SHLD2: variants seen among roughly 807,000 people sequenced by gnomAD.
SHLD2 encodes RINN1-REV7-interacting novel NHEJ regulator 2.
A neutral mutation model predicts 73.2 loss-of-function variants in SHLD2; 30 were observed. The ratio of observed to expected loss-of-function variants is 0.41; its 90% CI spans 0.31 to 0.56. The LOEUF (loss-of-function observed/expected upper bound fraction) is 0.56, where lower values mean the gene tolerates loss of function less well. SHLD2 is among the 20% of genes least tolerant of loss of function. The pLI is 0.28. For synonymous variants in SHLD2, 285 were observed against 370.1 expected (o/e 0.77, Z 2.64); for missense variants, 745 against 1,055.9 (o/e 0.71, Z 4.08).
intron 8 of SHLD2, among the ~76,000 whole-genome samples, chr10:87,183,864 C>T (rs1213619804): frequency 6.6e-6 from 1 of 152,208 alleles, no homozygotes; most frequent in Non-Finnish European, 1.5e-5. Context: ...GCCTCTTCTA[C>T]CCCCTCTTTA....
chr10:87,120,998 C>T (rs1232932692), intron 2 of SHLD2, among the ~76,000 whole-genome samples: 6 of 151,796 alleles, frequency 4.0e-5, no homozygotes, highest in East Asian at 1.9e-4. Flanking sequence ...TGCGGTGAGC[C>T]GACATTGCGC....
At chr10:87,173,807 A>G (rs1201924432) in intron 6 of SHLD2, among the ~76,000 whole-genome samples, 1 of 152,202 alleles carries the variant, frequency 6.6e-6, no homozygotes, top group African/African-American at 2.4e-5. Context: ...ACACATATCT[A>G]TAGAGATAAA....
At chr10:87,180,440 G>A in intron 8 of SHLD2, 137 bp downstream of exon 8, 3 of 1,164,688 alleles carry the variant, frequency 2.6e-6, no homozygotes, top group Admixed American at 5.6e-5. Flanking sequence ...GTGATAGATA[G>A]CTATTTATGG....
At position 87,170,539 on chromosome 10, in the gene SHLD2, T is replaced by C; in HGVS notation, c.1695T>C (p.His565=). The change falls in exon 5 of 10, where the codon CAT becomes CAC. Residue 565 remains histidine, a synonymous_variant. Coordinates refer to ENST00000298786, the MANE Select transcript of SHLD2 (RefSeq NM_001330112.2). The part of the protein sequence containing the change: ...QDLLAYVSSK[H]SYLRDLPPRQ... Reference sequence around the variant, plus strand: ...TACTGGCATATGTGTCCTCAAAACATTCCTACCTCAGAGATCTTCCTCCGA... The same window carrying C: ...TACTGGCATATGTGTCCTCAAAACACTCCTACCTCAGAGATCTTCCTCCGA... 2 of 1,613,108 alleles carry C rather than the reference T, an allele frequency of 1.2e-6. No individual in the cohort carries two copies. Among genetic ancestry groups the C allele is most frequent in the Non-Finnish European group, 1.7e-6 (2 of 1,179,582 alleles).
intron 4 of SHLD2, among the ~76,000 whole-genome samples, chr10:87,159,267 G>T (rs1380314097): frequency 6.6e-6 from 1 of 152,094 alleles, no homozygotes; most frequent in East Asian, 1.9e-4. Context: ...AATGGGCAAG[G>T]TTTCATTATA....
At chr10:87,181,377 C>A (rs1848304674) in intron 8 of SHLD2, among the ~76,000 whole-genome samples, 1 of 151,642 alleles carries the variant, frequency 6.6e-6, no homozygotes. Flanking sequence ...CAGAGTGAGA[C>A]CCTGTCTCAA....
chr10:87,135,682 A>ATTTTTTTTTTTTTTTTTTTTTTTTT (rs1844755407), intron 2 of SHLD2, among the ~76,000 whole-genome samples: 1 of 141,138 alleles, frequency 7.1e-6, no homozygotes, highest in Admixed American at 7.3e-5. Flanking sequence ...TTTTTTTTTA[A>ATTTTTTTTTTTTTTTTTTTTTTTTT]TAGAGACAGA....
At position 87,170,889 on chromosome 10, in the gene SHLD2, AGTGGAACAGG is replaced by A. The variant is rs1847552717; in HGVS notation, c.1879_1888del (p.Val627ProfsTer42). 1 of 1,609,916 alleles carries A rather than the reference AGTGGAACAGG, an allele frequency of 6.2e-7. No individual in the cohort carries two copies. The highest frequency in any genetic ancestry group is 1.1e-5 in the South Asian group (1 of 90,798). On this transcript the variant is annotated frameshift_variant, in exon 6 of 10. Transcript: ENST00000298786. LOFTEE classifies it high-confidence loss of function. ...AGAAGCAGAAAAAAGTTATGTTAAC[AGTGGAACAGG>A]CCCAAGATCAACATTATGCGCTTGT...
At chr10:87,145,962 A>G (rs1214364978) in intron 2 of SHLD2, among the ~76,000 whole-genome samples, 2 of 152,300 alleles carry the variant, frequency 1.3e-5, no homozygotes, top group Non-Finnish European at 2.9e-5. Flanking sequence ...TAATTTGGCT[A>G]TCATACATAT....
intron 4 of SHLD2, among the ~76,000 whole-genome samples, chr10:87,168,603 A>AAAT (rs1554833420): frequency 0.032 from 4,739 of 149,470 alleles, 117 homozygotes; most frequent in Non-Finnish European, 0.046. Context: ...TGTCTCAAAA[A>AAAT]AAATAAATAA....
At chr10:87,111,256 A>G (rs953435755) in intron 2 of SHLD2, among the ~76,000 whole-genome samples, 1 of 151,992 alleles carries the variant, frequency 6.6e-6, no homozygotes, top group African/African-American at 2.4e-5. Flanking sequence ...CAACCTCTCT[A>G]GACTCAAGCG....
intron 2 of SHLD2, among the ~76,000 whole-genome samples, chr10:87,119,834 A>G (rs537302967): frequency 3.9e-5 from 6 of 151,924 alleles, no homozygotes; most frequent in African/African-American, 1.2e-4. Context: ...TTTCACAATT[A>G]CTACTGGATG....
At chr10:87,111,550 A>C (rs1309834654) in intron 2 of SHLD2, among the ~76,000 whole-genome samples, 1 of 150,560 alleles carries the variant, frequency 6.6e-6, no homozygotes, top group Non-Finnish European at 1.5e-5. Flanking sequence ...CTGAGGCACG[A>C]GAATCTCTTG....
intron 6 of SHLD2, among the ~76,000 whole-genome samples, chr10:87,172,012 A>C (rs563210054): frequency 1.3e-5 from 2 of 152,310 alleles, no homozygotes; most frequent in East Asian, 1.9e-4. Context: ...GTTTAATGTG[A>C]ATATTCTTTT....
chr10:87,154,168 A>G (rs902319344), intron 3 of SHLD2: 2 of 150,940 alleles, frequency 1.3e-5, no homozygotes, highest in Non-Finnish European at 3.0e-5. Flanking sequence ...TATTTTTAAC[A>G]TGCCCTTGTT....
At chr10:87,098,240 G>A (rs893295138) in intron 2 of SHLD2, among the ~76,000 whole-genome samples, 4 of 151,936 alleles carry the variant, frequency 2.6e-5, no homozygotes, top group African/African-American at 7.3e-5. Flanking sequence ...GTGGCTGGGC[G>A]TGGTGGCTCA....
intron 2 of SHLD2, among the ~76,000 whole-genome samples, chr10:87,144,848 G>A (rs1186166008): frequency 6.7e-6 from 1 of 150,180 alleles, no homozygotes; most frequent in Non-Finnish European, 1.5e-5. Context: ...GGATGGTCTC[G>A]ATCTCCTGAC....
chr10:87,161,416 G>C (rs1434614979), intron 4 of SHLD2, among the ~76,000 whole-genome samples: 1 of 152,126 alleles, frequency 6.6e-6, no homozygotes, highest in Admixed American at 6.6e-5. Flanking sequence ...CTGTACTCCA[G>C]CCTGGGCAAC....
chr10:87,146,339 G>T (rs1845606706), intron 2 of SHLD2, among the ~76,000 whole-genome samples: 2 of 151,948 alleles, frequency 1.3e-5, no homozygotes, highest in Non-Finnish European at 2.9e-5. Flanking sequence ...TGTTGTCCAG[G>T]CTGGAGTGCA....
Sources: gnomAD v4.1 joint callset for allele counts (sites outside exome capture counted in the v4.1 genomes callset) on GRCh38, gnomAD v4.1.1 for gene constraint, MANE v1.5 for transcripts, NCBI Gene and HGNC (gene_info 2026-07-23, HGNC 2026-07-21) for gene names.